Variants in LARP1 observed in about 807,000 individuals in gnomAD.
LARP1 encodes la-related protein 1.
A neutral mutation model predicts 122.7 loss-of-function variants in LARP1; 36 were observed. The observed-to-expected ratio is 0.29, with a 90% confidence interval of 0.22 to 0.39. The LOEUF (loss-of-function observed/expected upper bound fraction) is 0.39, where lower values mean the gene tolerates loss of function less well. Ranked by LOEUF, LARP1 falls within the 10% of genes least tolerant of loss-of-function variation. The pLI, the probability that LARP1 is intolerant of heterozygous loss-of-function variation, is 1.00. For synonymous variants in LARP1, 539 were observed against 528.7 expected (o/e 1.02, Z -0.27); for missense variants, 1,040 against 1,403.6 (o/e 0.74, Z 4.14).
chr5:154,816,237 G>C lies in LARP1; in HGVS notation c.*2141G>C, dbSNP rs774789294. ...TCTGGTGCCTGCCCCACATTGTACC[G>C]GACACTGGATTCCTGGACCCCCTTC... On this transcript the variant is annotated 3_prime_UTR_variant, in exon 19 of 19. Transcript: ENST00000518297. 1 of 153,852 alleles carries C rather than the reference G, an allele frequency of 6.5e-6. No homozygotes were observed. The highest frequency in any genetic ancestry group is 2.4e-5 in the African/African-American group (1 of 41,468). The allele number at this position is 153,852 out of a possible 1,614,324, so 9.5% of individuals were successfully genotyped here.
At chr5:154,792,034 G>A in intron 3 of LARP1, 4 of 450,630 alleles carry the variant, frequency 8.9e-6, no homozygotes, top group South Asian at 6.2e-5. Context: ...TTATTCCCCA[G>A]CCTGTGTTCT....
At chr5:154,765,643 C>T (rs572350057) in intron 1 of LARP1, among the ~76,000 whole-genome samples, 1 of 152,320 alleles carries the variant, frequency 6.6e-6, no homozygotes, top group Non-Finnish European at 1.5e-5. Context: ...GTCCTCCCAC[C>T]TCGGTTTCCC....
chr5:154,817,418 CAAA>C lies in LARP1; in HGVS notation c.*3327_*3329del, dbSNP rs1286284488. The C allele has an allele frequency of 6.6e-6, 1 of 152,386 alleles. No homozygotes were observed. The highest frequency in any genetic ancestry group is 1.5e-5 in the Non-Finnish European group (1 of 67,986). The allele number at this position is 152,386 out of a possible 1,614,324, so 9.4% of individuals were successfully genotyped here. A position where few individuals can be genotyped will look rare whatever the true frequency, so the allele number is the denominator to read the frequency against. On this transcript the variant is annotated 3_prime_UTR_variant, in exon 19 of 19. Transcript: ENST00000518297. Reference sequence around the variant, plus strand: ...TGCTAGGATATCATATTTAAAAGGACAAAAAAATGTAAAATACTTGAATGAGCT... The same window carrying C: ...TGCTAGGATATCATATTTAAAAGGACAAAATGTAAAATACTTGAATGAGCT...
intron 1 of LARP1, chr5:154,685,912 T>C (rs1753919667): frequency 1.7e-5 from 8 of 484,274 alleles, no homozygotes; most frequent in African/African-American, 8.1e-5. Context: ...CTGCTAATGC[T>C]TCCCCAAGCT....
At chr5:154,738,520 A>G (rs563179308) in intron 1 of LARP1, among the ~76,000 whole-genome samples, 1 of 152,262 alleles carries the variant, frequency 6.6e-6, no homozygotes, top group South Asian at 2.1e-4. Flanking sequence ...TGAACCTGAG[A>G]GGCGGATGTT....
upstream of LARP1, among the ~76,000 whole-genome samples, chr5:154,752,324 C>T (rs897744305): frequency 2.0e-5 from 3 of 152,002 alleles, no homozygotes; most frequent in Non-Finnish European, 2.9e-5. Context: ...CTTACTGCAA[C>T]CTCCGCCACC....
intron 18 of LARP1, among the ~76,000 whole-genome samples, chr5:154,812,525 CTT>C (rs763157777): frequency 0.069 from 7,038 of 101,676 alleles, 279 homozygotes; most frequent in Admixed American, 0.15. Context: ...CCCACCCCCC[CTT>C]TTTTTTTTTG....
Position 154,802,396 on chromosome 5 carries a change from C to T in LARP1, c.2106C>T (p.Ile702=). The change falls in exon 11 of 19, where the codon ATC becomes ATT. Residue 702 remains isoleucine (I), a synonymous_variant. Transcript: ENST00000518297. This position sits in a 1 kb window ranked among gnomAD's most constrained non-coding sequence, Gnocchi z 5.1. ...AEKFEPEYSQ[I]KQEVENFKKV... The stretch of plus-strand genomic sequence containing the variant: ...AGTTTGAACCTGAGTATTCCCAGAT[C>T]AAGGTGAGGCTTGGACATAGCAGTG... 1.3e-6 allele frequency: 2 copies of T among 1,595,138 alleles called. No homozygotes were observed. Among genetic ancestry groups the T allele is most frequent in the African/African-American group, 1.3e-5 (1 of 74,810 alleles).
At chr5:154,785,840 G>T (rs940380477) in intron 1 of LARP1, among the ~76,000 whole-genome samples, 7 of 152,084 alleles carry the variant, frequency 4.6e-5, no homozygotes, top group African/African-American at 1.7e-4. Flanking sequence ...CCATTCCTCA[G>T]CACCCACCTT....
chr5:154,800,863 G>A (rs971951023), intron 10 of LARP1, among the ~76,000 whole-genome samples: 2 of 152,142 alleles, frequency 1.3e-5, no homozygotes, highest in East Asian at 1.9e-4. Flanking sequence ...TTGCCTGCCT[G>A]TTCATACACA....
rs186291344 is a variant in LARP1 at position 154,774,391 on chromosome 5, G to C, written c.437-15934G>C. Among the ~76,000 whole-genome samples, 272 of 152,310 alleles carry C rather than the reference G, an allele frequency of 1.8e-3. 4 individuals are homozygous for C. In the East Asian group the frequency reaches 0.024, roughly 13 times the overall value. On this transcript the variant is annotated intron_variant, in intron 1 of 18. Transcript: ENST00000518297. The stretch of plus-strand genomic sequence containing the variant: ...CCCTGTGCCAAGTCTCCAGGCTGGG[G>C]AGGGTCTGCTCCAGGGAGTGAGGGG...
At chr5:154,764,887 A>G (rs1754794286) in intron 1 of LARP1, among the ~76,000 whole-genome samples, 1 of 150,352 alleles carries the variant, frequency 6.7e-6, no homozygotes, top group Non-Finnish European at 1.5e-5. Context: ...CCTGGGCAAC[A>G]GAGCAAGACT....
chr5:154,712,869 T>C, exon 1 of LARP1: 1 of 1,491,914 alleles, frequency 6.7e-7, no homozygotes. Flanking sequence ...AGCTGTGCGA[T>C]CTGGATGTAC....
Position 154,733,043 on chromosome 5 carries a change from C to T in LARP1, c.205+19913C>T, listed in dbSNP as rs556489843. Among the ~76,000 whole-genome samples, 5 of 152,276 alleles carry T rather than the reference C, an allele frequency of 3.3e-5. No homozygotes were observed. In the East Asian group the frequency reaches 9.6e-4, roughly 29 times the overall value. ...TGAGTGTCTCATAAAATCCCAGTCTCAGGGTCCCCAGGATTGTCTCATTCA... is the reference window on the plus strand; with the variant it reads ...TGAGTGTCTCATAAAATCCCAGTCTTAGGGTCCCCAGGATTGTCTCATTCA... On this transcript the variant is annotated intron_variant, in intron 1 of 18. Transcript: ENST00000336314.
intron 1 of LARP1, among the ~76,000 whole-genome samples, chr5:154,693,466 G>A (rs1399425402): frequency 6.6e-6 from 1 of 152,166 alleles, no homozygotes; most frequent in Non-Finnish European, 1.5e-5. Flanking sequence ...GGCCTGGCAA[G>A]CAGTTTTAAG....
chr5:154,770,478 C>G (rs1310723383), intron 1 of LARP1, among the ~76,000 whole-genome samples: 1 of 152,072 alleles, frequency 6.6e-6, no homozygotes, highest in Non-Finnish European at 1.5e-5. Context: ...CCCGGCCTGT[C>G]CCTGGCTCCC....
intron 1 of LARP1, among the ~76,000 whole-genome samples, chr5:154,692,106 C>T (rs1250104583): frequency 2.0e-5 from 3 of 152,194 alleles, no homozygotes; most frequent in African/African-American, 4.8e-5. Context: ...TGGTCCCTTT[C>T]GAAGGAAACC....
intron 1 of LARP1, among the ~76,000 whole-genome samples, chr5:154,716,537 A>G (rs1347686650): frequency 2.0e-5 from 3 of 152,028 alleles, no homozygotes; most frequent in Non-Finnish European, 4.4e-5. Context: ...CAACCTCCAC[A>G]TCCAGGGTTC....
upstream of LARP1, among the ~76,000 whole-genome samples, chr5:154,754,790 G>A (rs1244244857): frequency 6.6e-6 from 1 of 152,166 alleles, no homozygotes; most frequent in African/African-American, 2.4e-5. Flanking sequence ...AAGGTCACCC[G>A]GGCGGGGACC....
Sources: gnomAD v4.1 joint callset for allele counts (sites outside exome capture counted in the v4.1 genomes callset) on GRCh38, gnomAD v4.1.1 for gene constraint, Gnocchi (gnomAD v3.1) non-coding constraint, MANE v1.5 for transcripts, NCBI Gene and HGNC (gene_info 2026-07-23, HGNC 2026-07-21) for gene names.